DLG2: variants seen among roughly 807,000 people sequenced by gnomAD.
DLG2 encodes discs large MAGUK scaffold protein 2.
In DLG2, 45 loss-of-function variants were observed where a neutral mutation model predicts 132.5. The observed-to-expected ratio is 0.34, with a 90% CI of 0.27 to 0.44. DLG2 has a LOEUF of 0.44. DLG2 is among the 20% of genes least tolerant of loss of function. DLG2 has a pLI of 1.00. For missense variants in DLG2, 1,045 were observed against 1,196.9 expected (o/e 0.87, Z 1.87); for synonymous variants, 424 against 419.6 (o/e 1.01, Z -0.13).
At chr11:85,498,286 T>C (rs928010233) in intron 3 of DLG2, among the ~76,000 whole-genome samples, 2 of 152,164 alleles carry the variant, frequency 1.3e-5, no homozygotes, top group African/African-American at 4.8e-5. Context: ...AATCCTAGTC[T>C]CTGATAAAAC....
intron 11 of DLG2, among the ~76,000 whole-genome samples, chr11:84,008,503 T>G (rs1054169559): frequency 1.3e-5 from 2 of 151,872 alleles, no homozygotes; most frequent in South Asian, 2.1e-4. Flanking sequence ...AGATGGAAAT[T>G]TGGTTTAAGA....
chr11:84,463,778 A>G (rs2099086738), intron 7 of DLG2, among the ~76,000 whole-genome samples: 1 of 151,138 alleles, frequency 6.6e-6, no homozygotes, highest in Admixed American at 6.6e-5. Flanking sequence ...CTGGAAGAAA[A>G]TCCCTAATCT....
intron 3 of DLG2, among the ~76,000 whole-genome samples, chr11:85,577,054 G>A (rs933870991): frequency 6.6e-6 from 1 of 152,102 alleles, no homozygotes; most frequent in Admixed American, 6.6e-5. Context: ...AGAAGAGGTG[G>A]GAGAAGTAGC....
chr11:83,932,784 T>C (rs2080591343), intron 14 of DLG2, among the ~76,000 whole-genome samples: 1 of 152,084 alleles, frequency 6.6e-6, no homozygotes, highest in Non-Finnish European at 1.5e-5. Context: ...CATAAGCTAC[T>C]CTAAATTTTT....
intron 4 of DLG2, among the ~76,000 whole-genome samples, chr11:85,259,750 C>T (rs1049456671): frequency 7.9e-5 from 12 of 151,950 alleles, no homozygotes; most frequent in African/African-American, 2.2e-4. Context: ...ATCCCCTGGC[C>T]AGAAATTGCA....
intron 15 of DLG2, among the ~76,000 whole-genome samples, chr11:83,909,975 T>A (rs2075765315): frequency 6.6e-6 from 1 of 152,178 alleles, no homozygotes; most frequent in Non-Finnish European, 1.5e-5. Context: ...TAATTAAATT[T>A]GCTATCTGAA....
chr11:83,849,765 TA>T (rs67891823), intron 16 of DLG2, among the ~76,000 whole-genome samples: 74 of 148,088 alleles, frequency 5.0e-4, no homozygotes, highest in African/African-American at 1.6e-3. Context: ...TTTTTTTTTT[TA>T]AAAAAAAAGC....
At chr11:85,383,925 T>G (rs1248926218) in intron 3 of DLG2, among the ~76,000 whole-genome samples, 1 of 152,156 alleles carries the variant, frequency 6.6e-6, no homozygotes, top group Non-Finnish European at 1.5e-5. Context: ...GGAGTGCCCT[T>G]CTCCCCTACA....
chr11:84,731,670 G>A (rs2063168237), intron 6 of DLG2, among the ~76,000 whole-genome samples: 1 of 151,936 alleles, frequency 6.6e-6, no homozygotes, highest in Non-Finnish European at 1.5e-5. Context: ...AGAGGCTGAA[G>A]AAGACAGTAG....
chr11:85,292,659 AGGGAGGGAGGGAGGGAGGG>A, intron 3 of DLG2, among the ~76,000 whole-genome samples: 1 of 40,468 alleles, frequency 2.5e-5, no homozygotes, highest in African/African-American at 9.3e-5. Context: ...GAAGGAAGGG[AGGGAGGGAGGGAGGGAGGG>A]AGGGAGGGAG....
At chr11:83,479,955 A>G (rs1037595377) in intron 22 of DLG2, among the ~76,000 whole-genome samples, 5 of 152,112 alleles carry the variant, frequency 3.3e-5, no homozygotes, top group African/African-American at 9.7e-5. Flanking sequence ...TTTCCTATAA[A>G]GGGGAGCCAA....
intron 7 of DLG2, among the ~76,000 whole-genome samples, chr11:84,361,052 G>C (rs2098647070): frequency 6.6e-6 from 1 of 151,920 alleles, no homozygotes; most frequent in Admixed American, 6.6e-5. Context: ...CGAAGAAATA[G>C]TGACGGAAAC....
chr11:85,505,720 G>A (rs535679946), intron 3 of DLG2, among the ~76,000 whole-genome samples: 2 of 152,276 alleles, frequency 1.3e-5, no homozygotes, highest in Admixed American at 6.5e-5. Context: ...GTATCAGAAC[G>A]ATGCTGGCCT....
intron 11 of DLG2, among the ~76,000 whole-genome samples, chr11:84,049,102 G>GA (rs147481121): frequency 8.0e-4 from 116 of 144,994 alleles, no homozygotes; most frequent in African/African-American, 2.0e-3. Context: ...ATGGGCATCA[G>GA]AAAAAAAAAC....
Position 83,462,096 on chromosome 11 carries a change from G to A in DLG2, c.2730-3C>T. ...CTGTTAGACGCTTATTCATCTCCCT[G>A]GGAAAATGAGGGTTTGTATTAGAAC... On this transcript the variant is annotated splice_region_variant and splice_polypyrimidine_tract_variant and intron_variant, in intron 26 of 27. Coordinates refer to ENST00000376104, the MANE Select transcript of DLG2 (RefSeq NM_001142699.3). 1 of 1,580,990 alleles carries A rather than the reference G, an allele frequency of 6.3e-7. No homozygotes were observed. The highest frequency in any genetic ancestry group is 8.7e-7 in the Non-Finnish European group (1 of 1,150,226).
intron 21 of DLG2, among the ~76,000 whole-genome samples, chr11:83,513,224 C>G (rs987214989): frequency 2.0e-5 from 3 of 152,180 alleles, no homozygotes; most frequent in Non-Finnish European, 2.9e-5. Flanking sequence ...CATCGCCATT[C>G]TAACTGGTGT....
intron 5 of DLG2, among the ~76,000 whole-genome samples, chr11:85,141,064 T>C (rs890404107): frequency 2.0e-5 from 3 of 151,834 alleles, no homozygotes; most frequent in Non-Finnish European, 4.4e-5. Context: ...GCTGATTTCT[T>C]TTCTTCTGGA....
chr11:85,583,161 T>C (rs2078726785), intron 3 of DLG2, among the ~76,000 whole-genome samples: 1 of 124,042 alleles, frequency 8.1e-6, no homozygotes, highest in Non-Finnish European at 1.7e-5. Flanking sequence ...TATATATATA[T>C]ATATATATGT....
intron 6 of DLG2, among the ~76,000 whole-genome samples, chr11:84,803,819 G>T (rs983169293): frequency 6.6e-6 from 1 of 152,102 alleles, no homozygotes; most frequent in Non-Finnish European, 1.5e-5. Context: ...TGTCCTTAAG[G>T]CATGTTTCTC....
Sources: allele counts gnomAD v4.1 joint callset (sites outside exome capture counted in the v4.1 genomes callset), GRCh38; gene constraint gnomAD v4.1.1; transcripts MANE v1.5; gene names NCBI Gene and HGNC (gene_info 2026-07-23, HGNC 2026-07-21).